SLC23A2: variants seen among roughly 807,000 people sequenced by gnomAD.
SLC23A2 encodes the protein Na(+)/L-ascorbic acid transporter 2.
Under a neutral mutation model 73.3 loss-of-function variants are expected in SLC23A2, and 36 were observed. That is an observed-to-expected ratio of 0.49 (90% CI 0.38 to 0.65). The LOEUF is 0.65. SLC23A2 is among the 30% of genes least tolerant of loss of function. SLC23A2 has a pLI of 0.00. For synonymous variants in SLC23A2, 343 were observed against 327.3 expected (o/e 1.05, Z -0.52); for missense variants, 507 against 841.6 (o/e 0.60, Z 4.92).
At chr20:5,000,646 TCA>T (rs1461064703) in intron 1 of SLC23A2, among the ~76,000 whole-genome samples, 4 of 152,018 alleles carry the variant, frequency 2.6e-5, no homozygotes, top group African/African-American at 7.2e-5. Context: ...TAATTTCCCA[TCA>T]GTCACGCTTA....
At chr20:4,988,368 G>T (rs2087865362) in intron 1 of SLC23A2, among the ~76,000 whole-genome samples, 2 of 41,562 alleles carry the variant, frequency 4.8e-5, no homozygotes, top group Non-Finnish European at 7.3e-5. Context: ...TTGGGAAACC[G>T]AGGGGGGGCC....
intron 3 of SLC23A2, among the ~76,000 whole-genome samples, chr20:4,931,960 T>G (rs1932795750): frequency 6.6e-6 from 1 of 152,212 alleles, no homozygotes; most frequent in Non-Finnish European, 1.5e-5. Context: ...AAAAATGTTC[T>G]TACTGAATAT....
intron 11 of SLC23A2, among the ~76,000 whole-genome samples, chr20:4,871,613 GTGCGGTTAAGGGCAGAATTGCTCCTGC>G (rs1392744913): frequency 1.3e-5 from 2 of 152,206 alleles, no homozygotes; most frequent in African/African-American, 2.4e-5. Context: ...TAAGCCTGGA[GTGCGGTTAAGGGCAGAATTGCTCCTGC>G]CTCAGGCTTG....
chr20:5,005,000 A>AAAATAAATAAAT (rs11474342), upstream of SLC23A2, among the ~76,000 whole-genome samples: 1,469 of 143,378 alleles, frequency 0.01, 5 homozygotes, highest in South Asian at 0.022. Flanking sequence ...CTCCGTCTCA[A>AAAATAAATAAAT]AAATAAATAA....
intron 9 of SLC23A2, among the ~76,000 whole-genome samples, chr20:4,877,790 T>C (rs1023893829): frequency 1.3e-5 from 2 of 152,166 alleles, no homozygotes. Context: ...TTTGAAATTT[T>C]CCATAAGAAA....
chr20:4,859,895 T>C (rs1328443882), intron 15 of SLC23A2, among the ~76,000 whole-genome samples: 1 of 152,200 alleles, frequency 6.6e-6, no homozygotes, highest in Non-Finnish European at 1.5e-5. Flanking sequence ...ATATGACATA[T>C]TAAATGTAAA....
chr20:4,925,234 T>G (rs1324819376), intron 3 of SLC23A2, among the ~76,000 whole-genome samples: 3 of 152,046 alleles, frequency 2.0e-5, no homozygotes, highest in Admixed American at 1.3e-4. Flanking sequence ...GTCTGTTCAT[T>G]GCTGTTCTCT....
intron 6 of SLC23A2, among the ~76,000 whole-genome samples, chr20:4,897,784 T>C (rs1931599339): frequency 6.6e-6 from 1 of 152,204 alleles, no homozygotes; most frequent in South Asian, 2.1e-4. Context: ...CCTGGCCTCC[T>C]TGGCATGAGC....
intron 1 of SLC23A2, among the ~76,000 whole-genome samples, chr20:5,000,513 G>A (rs1040834893): frequency 3.9e-5 from 6 of 152,030 alleles, no homozygotes; most frequent in African/African-American, 1.2e-4. Flanking sequence ...TCCCCCGCCC[G>A]TCTCCCAGCA....
At chr20:4,966,177 T>C (rs532849049) in intron 2 of SLC23A2, among the ~76,000 whole-genome samples, 1 of 152,270 alleles carries the variant, frequency 6.6e-6, no homozygotes, top group East Asian at 1.9e-4. Context: ...ATCAATTTAC[T>C]TGTTGAACTG....
At chr20:4,975,178 C>A (rs1486010841) in intron 1 of SLC23A2, among the ~76,000 whole-genome samples, 1 of 152,140 alleles carries the variant, frequency 6.6e-6, no homozygotes, top group East Asian at 1.9e-4. Flanking sequence ...TAGGCCCAGA[C>A]AAATTCTTAG....
rs2875965 is a variant in SLC23A2 at position 4,916,557 on chromosome 20, A to C, written c.109-3579T>G. Among the ~76,000 whole-genome samples the C allele has an allele frequency of 1.5e-4, 23 of 152,338 alleles. No individual in the cohort carries two copies. In the East Asian group the frequency reaches 4.0e-3, roughly 27 times the overall value. ...CAAACTTCACCTCGATACATTAAAA[A>C]AAATCATCTGTATACATGGCACTAA... is the stretch of plus-strand genomic sequence containing the variant. On this transcript the variant is annotated intron_variant, in intron 3 of 16. Coordinates refer to ENST00000338244, the MANE Select transcript of SLC23A2 (RefSeq NM_005116.6).
intron 11 of SLC23A2, among the ~76,000 whole-genome samples, chr20:4,873,500 C>T (rs899556968): frequency 3.3e-5 from 5 of 152,176 alleles, no homozygotes; most frequent in East Asian, 3.8e-4. Flanking sequence ...ATTATGGCTG[C>T]CCATTAAGAG....
intron 13 of SLC23A2, among the ~76,000 whole-genome samples, chr20:4,867,001 T>C (rs926466711): frequency 1.4e-5 from 2 of 143,514 alleles, no homozygotes; most frequent in South Asian, 4.4e-4. Context: ...ATCCCATTTC[T>C]ACCTTTTGCC....
intron 2 of SLC23A2, among the ~76,000 whole-genome samples, chr20:4,969,304 G>T (rs1364566589): frequency 6.6e-6 from 1 of 151,810 alleles, no homozygotes; most frequent in Non-Finnish European, 1.5e-5. Context: ...GTACAGGCTG[G>T]TCTTGAACTC....
chr20:4,932,369 A>G (rs1405126204), intron 3 of SLC23A2, 86 bp downstream of exon 3: 4 of 822,538 alleles, frequency 4.9e-6, no homozygotes, highest in Non-Finnish European at 8.6e-6. Flanking sequence ...CACTGAAAAC[A>G]TGAGCATTAA....
intron 13 of SLC23A2, among the ~76,000 whole-genome samples, chr20:4,865,326 G>A (rs1930147850): frequency 6.6e-6 from 1 of 152,182 alleles, no homozygotes; most frequent in Non-Finnish European, 1.5e-5. Context: ...AAACTAAGGG[G>A]TAAATAGCAA....
rs993192359 is a variant in SLC23A2, at chr20:4,870,128, T to C, written c.1103-75A>G. ...GACCAGGACCAGTTACCCAAAGTCATTCTGAACGCTGCAAGACTCTACAAG... is the reference window on the plus strand; with the variant it reads ...GACCAGGACCAGTTACCCAAAGTCACTCTGAACGCTGCAAGACTCTACAAG... On this transcript the variant is annotated intron_variant, in intron 11 of 16. Transcript: ENST00000338244. 6 of 1,235,638 alleles carry C rather than the reference T, an allele frequency of 4.9e-6. No individual in the cohort carries two copies. In the African/African-American group the frequency reaches 6.0e-5, roughly 12 times the overall value. The allele number at this position is 1,235,638 out of a possible 1,614,324, so 76.5% of individuals were successfully genotyped here.
At chr20:4,980,297 C>T (rs77206277) in intron 1 of SLC23A2, among the ~76,000 whole-genome samples, 3,081 of 152,102 alleles carry the variant, frequency 0.02, 96 homozygotes, top group African/African-American at 0.069. Context: ...CTGTTCACCA[C>T]TGTATTATGT....
Sources: allele counts gnomAD v4.1 joint callset (sites outside exome capture counted in the v4.1 genomes callset), GRCh38; gene constraint gnomAD v4.1.1; transcripts MANE v1.5; gene names NCBI Gene and HGNC (gene_info 2026-07-23, HGNC 2026-07-21).